MED27: variants seen among roughly 807,000 people sequenced by gnomAD.
MED27 encodes mediator of RNA polymerase II transcription subunit 27.
A neutral mutation model predicts 38.2 loss-of-function variants in MED27; 30 were observed. The observed-to-expected ratio is 0.79, with a 90% CI of 0.59 to 1.07. The LOEUF is 1.07. Among genes scored for constraint, MED27 ranks in the 50% least tolerant of loss-of-function variants. The pLI, the probability that MED27 is intolerant of heterozygous loss-of-function variation, is 0.00. For missense variants in MED27, 289 were observed against 397.5 expected (o/e 0.73, Z 2.32); for synonymous variants, 122 against 153.5 (o/e 0.79, Z 1.52).
chr9:132,064,121 A>G (rs1264436141), intron 2 of MED27, among the ~76,000 whole-genome samples: 1 of 152,220 alleles, frequency 6.6e-6, no homozygotes, highest in Admixed American at 6.5e-5. Context: ...CAATGCATTC[A>G]ATTCTGGGAA....
intron 2 of MED27, among the ~76,000 whole-genome samples, chr9:132,034,731 A>G (rs1833037549): frequency 6.6e-6 from 1 of 152,158 alleles, no homozygotes; most frequent in Admixed American, 6.5e-5. Context: ...CAGACTATGC[A>G]CTGACTGTGG....
chr9:131,960,660 G>A (rs1266492822), intron 3 of MED27, among the ~76,000 whole-genome samples: 1 of 152,142 alleles, frequency 6.6e-6, no homozygotes, highest in East Asian at 1.9e-4. Context: ...AACACGTGTA[G>A]TACCAACATG....
rs1830744504 is a variant in MED27, at chr9:131,939,452, G to A, written c.502C>T (p.Arg168Cys). ...ATTTCAGGAAACATCCTGTCAATGC[G>A]GCTGATCACATCATCAACATATCTA... The part of the protein sequence containing the change: ...PPQYVDDVIS[R>C]IDRMFPEMSI... The change falls in exon 4 of 8, where the codon CGC becomes TGC. Residue 168 changes from arginine (R) to cysteine (C), a missense_variant. Physicochemically the swap from Arg to Cys is radical, Grantham distance 180. Transcript: ENST00000292035. 14 of 1,609,306 alleles carry A rather than the reference G, an allele frequency of 8.7e-6. No homozygotes were observed. The highest frequency in any genetic ancestry group is 1.3e-5 in the African/African-American group (1 of 74,638).
chr9:131,868,504 T>A, intron 6 of MED27: 1 of 904,754 alleles, frequency 1.1e-6, no homozygotes, highest in Non-Finnish European at 1.3e-6. Context: ...TTCCAACTCC[T>A]GGCTCAAGTG....
At chr9:132,046,748 T>C (rs976544694) in intron 2 of MED27, among the ~76,000 whole-genome samples, 4 of 152,124 alleles carry the variant, frequency 2.6e-5, no homozygotes, top group Non-Finnish European at 5.9e-5. Flanking sequence ...GGAACAGTAG[T>C]CCCAAGAGAG....
chr9:131,963,647 G>C (rs996833365), intron 3 of MED27, among the ~76,000 whole-genome samples: 1 of 152,096 alleles, frequency 6.6e-6, no homozygotes, highest in South Asian at 2.1e-4. Context: ...CTATTTTTAT[G>C]AGTATCTTTT....
intron 2 of MED27, chr9:132,032,225 A>G (rs934094926): frequency 6.6e-6 from 1 of 152,260 alleles, no homozygotes; most frequent in African/African-American, 2.4e-5. Flanking sequence ...GAAAAACCAT[A>G]GAAAAATTAG....
At chr9:131,890,351 T>C (rs560731330) in intron 5 of MED27, among the ~76,000 whole-genome samples, 6 of 152,290 alleles carry the variant, frequency 3.9e-5, no homozygotes, top group South Asian at 4.1e-4. Flanking sequence ...CATACAGTTG[T>C]AAAGGGGGAC....
chr9:131,920,967 G>A (rs569837141), intron 4 of MED27, among the ~76,000 whole-genome samples: 3 of 152,290 alleles, frequency 2.0e-5, no homozygotes, highest in Admixed American at 1.3e-4. Flanking sequence ...GGGGAGGCCA[G>A]GCAGGAGGCA....
At chr9:132,005,991 C>T (rs1051553628) in intron 3 of MED27, among the ~76,000 whole-genome samples, 2 of 152,082 alleles carry the variant, frequency 1.3e-5, no homozygotes, top group Non-Finnish European at 2.9e-5. Context: ...TTCAACTCTT[C>T]TAGAGAGTTA....
chr9:132,063,423 C>G (rs1279878600), intron 2 of MED27, among the ~76,000 whole-genome samples: 2 of 152,194 alleles, frequency 1.3e-5, no homozygotes, highest in Admixed American at 1.3e-4. Context: ...TAGGAAATTA[C>G]CACGTTCTGG....
chr9:131,930,228 G>C (rs1455692195), intron 4 of MED27, among the ~76,000 whole-genome samples: 5 of 152,166 alleles, frequency 3.3e-5, no homozygotes, highest in African/African-American at 1.2e-4. Context: ...CAAAACTAGA[G>C]AAAGACAGCA....
chr9:131,893,403 G>A (rs1014726661), intron 5 of MED27, among the ~76,000 whole-genome samples: 5 of 152,160 alleles, frequency 3.3e-5, no homozygotes, highest in Non-Finnish European at 5.9e-5. Flanking sequence ...GAAATAACAC[G>A]TCTTCTTTCA....
intron 3 of MED27, among the ~76,000 whole-genome samples, chr9:132,000,006 G>C (rs898041006): frequency 4.0e-5 from 6 of 151,732 alleles, no homozygotes; most frequent in African/African-American, 1.5e-4. Context: ...ATCTAAGACA[G>C]GCTCTACATT....
intron 4 of MED27, among the ~76,000 whole-genome samples, chr9:131,896,143 T>C (rs1829829141): frequency 6.6e-6 from 1 of 152,144 alleles, no homozygotes; most frequent in African/African-American, 2.4e-5. Context: ...TCAAGTGATC[T>C]GTCTGCCTTG....
rs569657254 is a variant in MED27, at chr9:131,952,624, G to A, written c.480-13150C>T. 1.2e-3 allele frequency among the ~76,000 whole-genome samples: 184 copies of A among 152,312 alleles called. 4 individuals are homozygous for A. The highest frequency in any genetic ancestry group is 6.8e-3 in the Middle Eastern group (2 of 294). On this transcript the variant is annotated intron_variant, in intron 3 of 7. Transcript: ENST00000292035. Reference sequence around the variant, plus strand: ...GCCCTCTGGCTGAGTTTGGCCAAAGGGAGATGTGGAAGGTGGAAAAGCAGT... The same window carrying A: ...GCCCTCTGGCTGAGTTTGGCCAAAGAGAGATGTGGAAGGTGGAAAAGCAGT...
chr9:131,901,654 A>G (rs1829950351), intron 4 of MED27, among the ~76,000 whole-genome samples: 1 of 152,210 alleles, frequency 6.6e-6, no homozygotes, highest in Non-Finnish European at 1.5e-5. Context: ...GTAGATGAGC[A>G]GTTCCCAAAT....
chr9:132,079,396 G>T (rs1288586170), intron 1 of MED27, among the ~76,000 whole-genome samples: 2 of 152,206 alleles, frequency 1.3e-5, no homozygotes, highest in African/African-American at 4.8e-5. Context: ...GAATGGAACC[G>T]CCACAGAAGA....
At chr9:131,923,545 T>C (rs1048880886) in intron 4 of MED27, among the ~76,000 whole-genome samples, 3 of 152,384 alleles carry the variant, frequency 2.0e-5, no homozygotes, top group Non-Finnish European at 2.9e-5. Flanking sequence ...CATTATTCAA[T>C]TGAAATACAT....
Sources: allele counts gnomAD v4.1 joint callset (sites outside exome capture counted in the v4.1 genomes callset), GRCh38; gene constraint gnomAD v4.1.1; transcripts MANE v1.5; gene names NCBI Gene and HGNC (gene_info 2026-07-23, HGNC 2026-07-21).